The following KCTD21 variants were observed in gnomAD, a reference collection of about 807,000 sequenced individuals.
KCTD21 encodes the protein potassium channel tetramerization domain containing 21, also known as BTB/POZ domain-containing protein KCTD21.
In KCTD21, 9 loss-of-function variants were observed where a neutral mutation model predicts 13.2. The ratio of observed to expected loss-of-function variants is 0.68; its 90% CI spans 0.41 to 1.19. KCTD21 has a LOEUF of 1.19. KCTD21 is among the 50% of genes most tolerant of loss of function. KCTD21 has a pLI of 0.01. For missense variants in KCTD21, 303 were observed against 336.5 expected, an observed-to-expected ratio of 0.90 and a Z score of 0.78; for synonymous variants, 142 against 137.4, an observed-to-expected ratio of 1.03 and a Z score of -0.23.
chr11:78,177,440 G>T (rs1468866191), intron 1 of KCTD21, among the ~76,000 whole-genome samples: 1 of 152,222 alleles, frequency 6.6e-6, no homozygotes, highest in Non-Finnish European at 1.5e-5. Context: ...TGGGGGCATG[G>T]CTGCTGGTGT....
Position 78,174,405 on chromosome 11 carries a change from G to A in KCTD21, c.150C>T (p.Asp50=), listed in dbSNP as rs1231769474. ...KRDSQGNCFI[D]RDGKVFRYIL... ...TATAGCGGAACACTTTGCCGTCACG[G>A]TCAATGAAGCAGTTGCCCTGGCTGT... Residue 50 remains aspartate (D), a synonymous_variant, in exon 2 of 2, where the codon GAC becomes GAT. Coordinates refer to ENST00000340067, the MANE Select transcript of KCTD21 (RefSeq NM_001029859.3). 7 of 1,613,964 alleles carry A rather than the reference G, an allele frequency of 4.3e-6. No homozygotes were observed. Among genetic ancestry groups the A allele is most frequent in the Non-Finnish European group, 5.1e-6 (6 of 1,180,026 alleles).
Position 78,172,684 on chromosome 11 carries a change from C to G in KCTD21, c.*1088G>C, listed in dbSNP as rs901343602. On this transcript the variant is annotated 3_prime_UTR_variant, in exon 2 of 2. Transcript: ENST00000340067. ...TATATAACTGGGTGAATGGGAAGGT[C>G]TGCAACCAAGATCCAGCAAGTGGCA... is the stretch of plus-strand genomic sequence containing the variant. 6.6e-6 allele frequency: 1 copy of G among 152,218 alleles called. No homozygotes were observed. The highest frequency in any genetic ancestry group is 1.5e-5 in the Non-Finnish European group (1 of 68,058). The allele number at this position is 152,218 out of a possible 1,614,324, so 9.4% of individuals were successfully genotyped here. A position where few individuals can be genotyped will look rare whatever the true frequency, so the allele number is the denominator to read the frequency against.
intron 1 of KCTD21, chr11:78,186,662 G>C (rs1402398724): frequency 2.0e-6 from 2 of 978,220 alleles, no homozygotes; most frequent in African/African-American, 1.8e-5. Flanking sequence ...AGATTAAGTA[G>C]ATACTATTAT....
intron 1 of KCTD21, among the ~76,000 whole-genome samples, chr11:78,176,059 A>G (rs1565382915): frequency 6.6e-6 from 1 of 152,222 alleles, no homozygotes; most frequent in Non-Finnish European, 1.5e-5. Context: ...TACAAAGGAC[A>G]TGAACTCATC....
chr11:78,182,010 A>G (rs1376573871), intron 1 of KCTD21, among the ~76,000 whole-genome samples: 1 of 152,110 alleles, frequency 6.6e-6, no homozygotes, highest in Non-Finnish European at 1.5e-5. Flanking sequence ...ACCACTGCCT[A>G]GTTTGTGAGC....
chr11:78,171,378 A>G lies in KCTD21; in HGVS notation c.*2394T>C, dbSNP rs1170287636. ...ACAGATGAAGAAATGGAGGTGGCTC[A>G]GTGAGGTGAGTGACTTGCATAAAGT... On this transcript the variant is annotated 3_prime_UTR_variant, in exon 2 of 2. Transcript: ENST00000340067. 1 of 152,682 alleles carries G rather than the reference A, an allele frequency of 6.5e-6. No homozygotes were observed. The highest frequency in any genetic ancestry group is 1.5e-5 in the Non-Finnish European group (1 of 68,058). 9.5% of individuals were successfully genotyped at this position (152,682 alleles called of 1,614,324 possible).
In KCTD21 at chr11:78,171,983, C is replaced by T. The variant is rs1238461884; in HGVS notation, c.*1789G>A. ...TACTGCTCAAGGGAACTGGCGCTGC[C>T]CATGGCCCAGTGTACAAGCTCCCTA... On this transcript the variant is annotated 3_prime_UTR_variant, in exon 2 of 2. Coordinates refer to ENST00000340067, the MANE Select transcript of KCTD21 (RefSeq NM_001029859.3). The T allele has an allele frequency of 1.3e-5, 2 of 152,274 alleles. No individual in the cohort carries two copies. Among genetic ancestry groups the T allele is most frequent in the Non-Finnish European group, 2.9e-5 (2 of 68,080 alleles). The allele number at this position is 152,274 out of a possible 1,614,324, so 9.4% of individuals were successfully genotyped here. A position where few individuals can be genotyped will look rare whatever the true frequency, so the allele number is the denominator to read the frequency against.
At chr11:78,184,289 T>C (rs1862709074) in intron 1 of KCTD21, among the ~76,000 whole-genome samples, 1 of 152,182 alleles carries the variant, frequency 6.6e-6, no homozygotes, top group Admixed American at 6.5e-5. Context: ...ATCTAATCAT[T>C]GATAAACCAA....
Position 78,173,131 on chromosome 11 carries a change from G to A in KCTD21, c.*641C>T, listed in dbSNP as rs1049981921. On this transcript the variant is annotated 3_prime_UTR_variant, in exon 2 of 2. Transcript: ENST00000340067. The stretch of plus-strand genomic sequence containing the variant: ...ATCCCTTGATTCAGCCCTATCAAGA[G>A]GGACATTCCTACCTTCTGAACTCTG... The A allele has an allele frequency of 1.3e-5, 2 of 152,422 alleles. No individual in the cohort carries two copies. The highest frequency in any genetic ancestry group is 1.3e-4 in the Admixed American group (2 of 15,296). 9.4% of individuals were successfully genotyped at this position (152,422 alleles called of 1,614,324 possible).
Position 78,176,166 on chromosome 11 carries a change from T to C in KCTD21, c.-29-1583A>G, listed in dbSNP as rs929220296. The C allele has an allele frequency of 3.5e-4, 54 of 152,350 alleles. 1 individual carries two copies. Among genetic ancestry groups the C allele is most frequent in the African/African-American group, 1.2e-3 (51 of 41,590 alleles). The allele number at this position is 152,350 out of a possible 1,614,324, so 9.4% of individuals were successfully genotyped here. On this transcript the variant is annotated intron_variant, in intron 1 of 1. Coordinates refer to ENST00000340067, the MANE Select transcript of KCTD21 (RefSeq NM_001029859.3). ...GACATTTGGGTTGGTTCCAAGTCTT[T>C]GCTACTGTGAATAGTGCCGCAATAA...
intron 1 of KCTD21, chr11:78,187,850 G>A (rs1862838128): frequency 4.1e-6 from 4 of 985,254 alleles, no homozygotes; most frequent in Non-Finnish European, 3.6e-6. Flanking sequence ...CCGAGTGCAG[G>A]GAGAAAAGCA....
In KCTD21 at chr11:78,174,498, C is replaced by T. The variant is rs555916755; in HGVS notation, c.57G>A (p.Ala19=). Residue 19 remains alanine (A), a synonymous_variant, in exon 2 of 2, where the codon GCG becomes GCA. Coordinates refer to ENST00000340067, the MANE Select transcript of KCTD21 (RefSeq NM_001029859.3). ...VGGKLYTTSL[A]TLTSFPDSML... ...TGGAGTCAGGGAAGCTGGTCAGGGT[C>T]GCCAGTGAGGTTGTATAGAGCTTCC... is the stretch of plus-strand genomic sequence containing the variant. 34 of 1,613,976 alleles carry T rather than the reference C, an allele frequency of 2.1e-5. No homozygotes were observed. In the East Asian group the frequency reaches 2.2e-4, roughly 11 times the overall value.
At chr11:78,179,084 C>G (rs1862540403) in intron 1 of KCTD21, among the ~76,000 whole-genome samples, 1 of 152,212 alleles carries the variant, frequency 6.6e-6, no homozygotes, top group Non-Finnish European at 1.5e-5. Context: ...AACTTTGTAA[C>G]TGGGCCTTTG....
chr11:78,180,515 C>T (rs1047368629), intron 1 of KCTD21, among the ~76,000 whole-genome samples: 2 of 152,102 alleles, frequency 1.3e-5, no homozygotes, highest in African/African-American at 4.8e-5. Context: ...AAAACAAAAA[C>T]AAAACAACTA....
intron 1 of KCTD21, among the ~76,000 whole-genome samples, chr11:78,185,687 G>A (rs959137409): frequency 1.3e-5 from 2 of 152,022 alleles, no homozygotes; most frequent in African/African-American, 2.4e-5. Context: ...TGCCTCCCAG[G>A]TTCAAGTGAT....
At chr11:78,184,499 G>C (rs1862717320) in intron 1 of KCTD21, among the ~76,000 whole-genome samples, 1 of 152,012 alleles carries the variant, frequency 6.6e-6, no homozygotes, top group South Asian at 2.1e-4. Context: ...ACCATGTCCG[G>C]CTAATTTTTG....
At position 78,174,632 on chromosome 11, in the gene KCTD21, G is replaced by T. The variant is rs546262911; in HGVS notation, c.-29-49C>A. The T allele has an allele frequency of 6.8e-5, 89 of 1,314,508 alleles. 1 individual carries two copies. In the Admixed American group the frequency reaches 2.2e-3, roughly 32 times the overall value. The allele number at this position is 1,314,508 out of a possible 1,614,324, so 81.4% of individuals were successfully genotyped here. On this transcript the variant is annotated intron_variant, in intron 1 of 1. Coordinates refer to ENST00000340067, the MANE Select transcript of KCTD21 (RefSeq NM_001029859.3). ...ATGACTATAACCAAACCTTATCAGA[G>T]AACTCACAGTCCTTAACTCCTTATT...
Position 78,174,309 on chromosome 11 carries a change from C to T in KCTD21, c.246G>A (p.Arg82=). Residue 82 remains arginine, a synonymous_variant, in exon 2 of 2, where the codon AGG becomes AGA. Coordinates refer to ENST00000340067, the MANE Select transcript of KCTD21 (RefSeq NM_001029859.3). ...EDFQEMGLLR[R]EADFYQVQPL... ...GCTGCACCTGGTAGAAGTCGGCCTC[C>T]CTGCGGAGCAGCCCCATCTCCTGGA... 1.2e-6 allele frequency: 2 copies of T among 1,614,130 alleles called. No homozygotes were observed. The highest frequency in any genetic ancestry group is 2.2e-5 in the East Asian group (1 of 44,884).
Position 78,186,371 on chromosome 11 carries a change from CAAAAAAAAAAAAAAAAAAAAAAA to C in KCTD21, c.-30+2179_-30+2201del, listed in dbSNP as rs57748403. On this transcript the variant is annotated intron_variant, in intron 1 of 1. Coordinates refer to ENST00000340067, the MANE Select transcript of KCTD21 (RefSeq NM_001029859.3). The stretch of plus-strand genomic sequence containing the variant: ...TGGGCAACAGAGTAAGACCCTGTCT[CAAAAAAAAAAAAAAAAAAAAAAA>C]AAAAAAAAAAAAAGAAAAGAACTGG... Among the ~76,000 whole-genome samples, 185 of 45,824 alleles carry C rather than the reference CAAAAAAAAAAAAAAAAAAAAAAA, an allele frequency of 4.0e-3. 4 individuals are homozygous for C. Among genetic ancestry groups the C allele is most frequent in the African/African-American group, 0.016 (182 of 11,688 alleles). 30.1% of individuals were successfully genotyped at this position (45,824 alleles called of 152,430 possible).
Sources: gnomAD v4.1 joint callset for allele counts (sites outside exome capture counted in the v4.1 genomes callset) on GRCh38, gnomAD v4.1.1 for gene constraint, MANE v1.5 for transcripts, NCBI Gene and HGNC (gene_info 2026-07-23, HGNC 2026-07-21) for gene names.